The following STARD8 variants were observed in gnomAD, a reference collection of about 807,000 sequenced individuals.
STARD8 encodes the protein stAR-related lipid transfer protein 8.
STARD8 carries 25 observed loss-of-function variants against 69.4 expected under a neutral mutation model. The observed-to-expected ratio is 0.36, with a 90% CI of 0.26 to 0.50. The LOEUF (loss-of-function observed/expected upper bound fraction) is 0.50, where lower values mean the gene tolerates loss of function less well. Ranked by LOEUF, STARD8 falls within the 20% of genes least tolerant of loss-of-function variation. The pLI is 0.96. For synonymous variants in STARD8, 389 were observed against 374.6 expected (o/e 1.04, Z -0.45); for missense variants, 921 against 932.5 (o/e 0.99, Z 0.16).
chrX:68,669,937 C>T (rs144038874), intron 2 of STARD8, among the ~76,000 whole-genome samples: 4,056 of 112,312 alleles, frequency 0.036, 170 homozygotes, highest in African/African-American at 0.13. Flanking sequence ...TTGAAAATGA[C>T]CAAATCATTT....
At position 68,661,899 on chromosome X, in the gene STARD8, TTCC is replaced by T. The variant is rs1412829767; in HGVS notation, c.46-3598_46-3596del. ...TTCTTTTCCTTCCTTCCTTCCTTCC[TTCC>T]TTCCTTCCTTCCTTCCTTCCTTCCT... On this transcript the variant is annotated intron_variant, in intron 1 of 14. Transcript: ENST00000374599. 5.2e-5 allele frequency among the ~76,000 whole-genome samples: 5 copies of T among 96,919 alleles called. No individual in the cohort carries two copies. In the East Asian group the frequency reaches 1.6e-3, roughly 32 times the overall value. 84.2% of individuals were successfully genotyped at this position (96,919 alleles called of 115,157 possible).
chrX:68,700,404 C>T lies in STARD8; in HGVS notation c.80-12510C>T, dbSNP rs192703839. Among the ~76,000 whole-genome samples the T allele has an allele frequency of 6.5e-3, 732 of 112,454 alleles. 4 individuals carry two copies. The highest frequency in any genetic ancestry group is 0.011 in the Non-Finnish European group (562 of 53,285). ...AGCCCAGGTCTCCTGACCCTCAGCC[C>T]TCCCTGTTTTCCCCAAACCACACCC... On this transcript the variant is annotated intron_variant, in intron 2 of 14. Coordinates refer to ENST00000374599, the MANE Select transcript of STARD8 (RefSeq NM_001142503.3).
In STARD8 at chrX:68,718,241, C is replaced by A. The variant is rs773910081; in HGVS notation, c.1327C>A (p.Gln443Lys). The A allele has an allele frequency of 3.3e-6, 4 of 1,211,518 alleles. No individual in the cohort carries two copies. The highest frequency in any genetic ancestry group is 4.5e-6 in the Non-Finnish European group (4 of 895,417). ...CAAATGCCAAGCTGAGGCTCTCAGCCAGATGGAGGTTCCGGCCCATGGAGA... is the reference window on the plus strand; with the variant it reads ...CAAATGCCAAGCTGAGGCTCTCAGCAAGATGGAGGTTCCGGCCCATGGAGA... ...EVKCQAEALS[Q>K]MEVPAHGESP... Residue 443 changes from glutamine to lysine, a missense_variant, in exon 6 of 15, where the codon CAG (glutamine) becomes AAG (lysine). By Grantham distance (53) the Gln-to-Lys change is moderately conservative. Transcript: ENST00000374599.
intron 2 of STARD8, among the ~76,000 whole-genome samples, chrX:68,707,445 T>C (rs2080016328): frequency 8.9e-6 from 1 of 112,019 alleles, no homozygotes; most frequent in African/African-American, 3.2e-5. Flanking sequence ...TCTGTGGCTT[T>C]CTAGCAGGCC....
intron 1 of STARD8, 82 bp from the exon 2 acceptor site, chrX:68,665,417 G>A (rs1025684178): frequency 2.6e-5 from 28 of 1,065,906 alleles, no homozygotes; most frequent in Non-Finnish European, 3.6e-5. Context: ...TGGGTAGATC[G>A]AACTTGCTAA....
intron 2 of STARD8, among the ~76,000 whole-genome samples, chrX:68,699,645 A>C (rs754940336): frequency 3.4e-4 from 38 of 111,216 alleles, no homozygotes; most frequent in Non-Finnish European, 6.0e-4. Flanking sequence ...CAGCCTCATC[A>C]CTGTCCTCTG....
intron 1 of STARD8, among the ~76,000 whole-genome samples, chrX:68,654,919 C>A (rs976261158): frequency 4.4e-5 from 5 of 112,398 alleles, no homozygotes; most frequent in Admixed American, 9.4e-5. Flanking sequence ...CACTCCCAGC[C>A]TCCAGGATGT....
intron 2 of STARD8, among the ~76,000 whole-genome samples, chrX:68,704,735 C>T (rs1203988297): frequency 9.0e-6 from 1 of 110,946 alleles, no homozygotes; most frequent in Admixed American, 9.6e-5. Flanking sequence ...TGAGGTTCCT[C>T]GCTTGGGTCC....
At chrX:68,653,359 AC>A (rs1388941398) in intron 1 of STARD8, among the ~76,000 whole-genome samples, 2 of 7,533 alleles carry the variant, frequency 2.7e-4, no homozygotes, top group East Asian at 9.0e-3. Context: ...CCCCACACAC[AC>A]CCCCAAACGC....
At position 68,718,232 on chromosome X, in the gene STARD8, G is replaced by T. The variant is rs770483890; in HGVS notation, c.1318G>T (p.Ala440Ser). 8.3e-7 allele frequency: 1 copy of T among 1,209,814 alleles called. No homozygotes were observed. Among genetic ancestry groups the T allele is most frequent in the African/African-American group, 1.8e-5 (1 of 57,104 alleles). ...ATVEVKCQAE[A>S]LSQMEVPAHG... Reference sequence around the variant, plus strand: ...AGTTGAGGTCAAATGCCAAGCTGAGGCTCTCAGCCAGATGGAGGTTCCGGC... The same window carrying T: ...AGTTGAGGTCAAATGCCAAGCTGAGTCTCTCAGCCAGATGGAGGTTCCGGC... Residue 440 changes from alanine to serine, a missense_variant, in exon 6 of 15, where the codon GCT becomes TCT. Coordinates refer to ENST00000374599, the MANE Select transcript of STARD8 (RefSeq NM_001142503.3).
intron 1 of STARD8, among the ~76,000 whole-genome samples, chrX:68,651,426 A>G (rs897475349): frequency 6.2e-5 from 7 of 112,317 alleles, no homozygotes; most frequent in Non-Finnish European, 1.3e-4. Flanking sequence ...CCCCAGTCAG[A>G]AAGGCAGGCT....
intron 1 of STARD8, among the ~76,000 whole-genome samples, chrX:68,655,180 G>A (rs748005184): frequency 1.4e-4 from 16 of 111,951 alleles, no homozygotes; most frequent in African/African-American, 5.2e-4. Flanking sequence ...GGAGCTCACC[G>A]CTTCCTCAGG....
rs565598536 is a variant in STARD8 at position 68,704,170 on chromosome X, T to A, written c.80-8744T>A. Among the ~76,000 whole-genome samples, 179 of 111,977 alleles carry A rather than the reference T, an allele frequency of 1.6e-3. 1 individual carries two copies. Among genetic ancestry groups the A allele is most frequent in the African/African-American group, 5.7e-3 (176 of 30,773 alleles). On this transcript the variant is annotated intron_variant, in intron 2 of 14. Transcript: ENST00000374599. ...TTGAATGGGGGATAGACTCACATGCTGCTGAGATGATCATGGAAATGTGTT... is the reference window on the plus strand; with the variant it reads ...TTGAATGGGGGATAGACTCACATGCAGCTGAGATGATCATGGAAATGTGTT...
chrX:68,724,052 C>T lies in STARD8; in HGVS notation c.3125C>T (p.Ser1042Phe). The change falls in exon 14 of 15, where the codon TCC becomes TTC. Residue 1042 changes from serine to phenylalanine, a missense_variant. By Grantham distance (155) the Ser-to-Phe change is radical. Transcript: ENST00000374599. ...GGTGTGCGAGCCCTCATGCTCACAT[C>T]CCAGTACCTCATGGAGCCTTGCGGC... ...ESGVRALMLT[S>F]QYLMEPCGLG... is the part of the protein sequence containing the mutation. The T allele has an allele frequency of 8.2e-7, 1 of 1,212,163 alleles. No individual in the cohort carries two copies. Among genetic ancestry groups the T allele is most frequent in the Non-Finnish European group, 1.1e-6 (1 of 895,621 alleles).
chrX:68,664,233 C>G (rs975132626), intron 1 of STARD8, among the ~76,000 whole-genome samples: 8 of 110,984 alleles, frequency 7.2e-5, no homozygotes, highest in Non-Finnish European at 1.3e-4. Flanking sequence ...TCTTTTCTCT[C>G]CTCCTTAACT....
In STARD8 at chrX:68,717,737, C is replaced by T. The variant is rs1188847810; in HGVS notation, c.823C>T (p.Arg275Trp). The T allele has an allele frequency of 4.1e-6, 5 of 1,210,850 alleles. No homozygotes were observed. The highest frequency in any genetic ancestry group is 2.3e-4 in the Middle Eastern group (1 of 4,373). Residue 275 changes from arginine to tryptophan, a missense_variant, in exon 6 of 15, where the codon CGG becomes TGG. By Grantham distance (101) the Arg-to-Trp change is moderately radical (BLOSUM62 -3). Transcript: ENST00000374599. Reference sequence around the variant, plus strand: ...AGCCGGTGGCAGTGGTGCCAATACTCGGAAGGCCTGGGAGGCCTGGCCTGT... The same window carrying T: ...AGCCGGTGGCAGTGGTGCCAATACTTGGAAGGCCTGGGAGGCCTGGCCTGT... ...TSAGGSGANT[R>W]KAWEAWPVAS... is the part of the protein sequence containing the mutation.
intron 1 of STARD8, among the ~76,000 whole-genome samples, chrX:68,651,791 T>C (rs376965339): frequency 4.3e-4 from 47 of 110,069 alleles, no homozygotes; most frequent in African/African-American, 1.5e-3. Context: ...ATTTCCTTGT[T>C]TGCAGAATGA....
intron 2 of STARD8, among the ~76,000 whole-genome samples, chrX:68,687,238 C>A (rs1274323767): frequency 9.0e-6 from 1 of 110,653 alleles, no homozygotes; most frequent in African/African-American, 3.3e-5. Flanking sequence ...CCTGGTAGCA[C>A]CTTTATAATC....
rs764434791 is a variant in STARD8, at chrX:68,647,892, C to G, written c.10C>G (p.Leu4Val). The change falls in exon 1 of 15, where the codon CTG (leucine) becomes GTG (valine). Residue 4 changes from leucine (L) to valine (V), a missense_variant. By Grantham distance (32) the Leu-to-Val change is conservative. Transcript: ENST00000374599. Reference sequence around the variant, plus strand: ...CTCCCCACGCGCCACCATGCCTCTGCTGGACGTTTTCTGGTCTTGCTTCAG... The same window carrying G: ...CTCCCCACGCGCCACCATGCCTCTGGTGGACGTTTTCTGGTCTTGCTTCAG... MPL[L>V]DVFWSCFRKV... The G allele has an allele frequency of 1.4e-4, 165 of 1,199,639 alleles. 1 individual carries two copies. Among genetic ancestry groups the G allele is most frequent in the Non-Finnish European group, 1.4e-4 (129 of 889,806 alleles).
Sources: gnomAD v4.1 joint callset for allele counts (sites outside exome capture counted in the v4.1 genomes callset) on GRCh38, gnomAD v4.1.1 for gene constraint, MANE v1.5 for transcripts, NCBI Gene and HGNC (gene_info 2026-07-23, HGNC 2026-07-21) for gene names.